Variants in SUGCT observed in about 807,000 individuals in gnomAD.
SUGCT encodes the protein succinyl-CoA:glutarate-CoA transferase.
SUGCT carries 41 observed loss-of-function variants against 55.0 expected under a neutral mutation model. The observed-to-expected ratio is 0.74, with a 90% CI of 0.58 to 0.97. The LOEUF is 0.97. Ranked by LOEUF, SUGCT falls within the 50% of genes least tolerant of loss-of-function variation. The probability of loss-of-function intolerance (pLI) is 0.00; values close to 1 mark genes in which losing one functional copy is unlikely to be tolerated. For synonymous variants in SUGCT, 187 were observed against 200.4 expected (o/e 0.93, Z 0.56); for missense variants, 568 against 547.8 (o/e 1.04, Z -0.37).
intron 9 of SUGCT, among the ~76,000 whole-genome samples, chr7:40,340,017 G>A (rs1796958719): frequency 6.6e-6 from 1 of 152,156 alleles, no homozygotes; most frequent in Admixed American, 6.5e-5. Context: ...TTTTGCCTGG[G>A]ATATCAGGAG....
intron 13 of SUGCT, among the ~76,000 whole-genome samples, chr7:40,844,168 G>A (rs1036141634): frequency 5.3e-5 from 8 of 152,090 alleles, no homozygotes; most frequent in South Asian, 2.1e-4. Flanking sequence ...TGCAACTCCC[G>A]GAGCCCCAGA....
At chr7:40,334,813 A>G (rs1055735253) in intron 9 of SUGCT, among the ~76,000 whole-genome samples, 6 of 152,224 alleles carry the variant, frequency 3.9e-5, no homozygotes, top group Non-Finnish European at 5.9e-5. Context: ...TGTTTTAGAC[A>G]TGTAGTCCTT....
At chr7:40,628,871 G>A (rs1025931591) in intron 12 of SUGCT, among the ~76,000 whole-genome samples, 1 of 152,082 alleles carries the variant, frequency 6.6e-6, no homozygotes, top group African/African-American at 2.4e-5. Context: ...GTCTCTAGTA[G>A]CTGGGACTAC....
At chr7:40,698,756 A>G (rs1194107463) in intron 12 of SUGCT, among the ~76,000 whole-genome samples, 2 of 152,164 alleles carry the variant, frequency 1.3e-5, no homozygotes, top group Non-Finnish European at 2.9e-5. Flanking sequence ...CCAACAGTTT[A>G]TGACTCATAC....
At position 40,451,234 on chromosome 7, in the gene SUGCT, C is replaced by T. The variant is rs546254921; in HGVS notation, c.888+1876C>T. ...TTGGAGTTTTCTTTCTCCAGAAAGT[C>T]GTGGGGTTGGGGGTGGGAGGACCTG... On this transcript the variant is annotated intron_variant, in intron 10 of 13. Transcript: ENST00000335693. Among the ~76,000 whole-genome samples, 33 of 151,994 alleles carry T rather than the reference C, an allele frequency of 2.2e-4. 1 individual carries two copies. In the South Asian group the frequency reaches 5.8e-3, roughly 27 times the overall value.
chr7:40,815,466 G>A (rs1791621472), intron 13 of SUGCT, among the ~76,000 whole-genome samples: 2 of 152,172 alleles, frequency 1.3e-5, no homozygotes, highest in South Asian at 4.1e-4. Flanking sequence ...AAGAAGGCTG[G>A]GGAAGTTTAG....
chr7:40,387,169 A>C (rs937703276), intron 9 of SUGCT, among the ~76,000 whole-genome samples: 10 of 152,322 alleles, frequency 6.6e-5, no homozygotes, highest in Non-Finnish European at 1.3e-4. Flanking sequence ...ATGTGATTTC[A>C]ATCTTTTGGG....
intron 12 of SUGCT, among the ~76,000 whole-genome samples, chr7:40,598,812 G>A (rs1044981393): frequency 6.6e-6 from 1 of 151,512 alleles, no homozygotes; most frequent in Non-Finnish European, 1.5e-5. Context: ...TAGATAGTGT[G>A]CAAATTTTCA....
chr7:40,431,243 C>A (rs1230864910), intron 9 of SUGCT, among the ~76,000 whole-genome samples: 2 of 151,930 alleles, frequency 1.3e-5, no homozygotes, highest in Admixed American at 1.3e-4. Context: ...TAGTTGACAG[C>A]ATATGTTTGG....
intron 9 of SUGCT, among the ~76,000 whole-genome samples, chr7:40,383,954 A>G (rs1784993802): frequency 6.6e-6 from 1 of 152,100 alleles, no homozygotes; most frequent in African/African-American, 2.4e-5. Context: ...CTTGAAAGGT[A>G]GCTTGACTCT....
At chr7:40,322,126 A>G (rs536193615) in intron 9 of SUGCT, among the ~76,000 whole-genome samples, 5 of 152,238 alleles carry the variant, frequency 3.3e-5, no homozygotes, top group Admixed American at 3.3e-4. Flanking sequence ...TTTTTTATAG[A>G]TGAAATGTAC....
At chr7:40,901,385 G>A in the SUGCT span, among the ~76,000 whole-genome samples, 1 of 152,190 alleles carries the variant, frequency 6.6e-6, no homozygotes, top group African/African-American at 2.4e-5. Flanking sequence ...AACTTATGGG[G>A]AATTTCCCGG....
intron 8 of SUGCT, among the ~76,000 whole-genome samples, chr7:40,285,290 T>A (rs1793251181): frequency 6.6e-6 from 1 of 152,134 alleles, no homozygotes; most frequent in Admixed American, 6.5e-5. Context: ...TTGGAGAACC[T>A]AGTAGAATCA....
At chr7:40,210,389 AC>A (rs1337986802) in intron 6 of SUGCT, among the ~76,000 whole-genome samples, 1 of 151,730 alleles carries the variant, frequency 6.6e-6, no homozygotes, top group East Asian at 1.9e-4. Flanking sequence ...CCTGCTATAC[AC>A]CCTCAGTTGT....
intron 11 of SUGCT, among the ~76,000 whole-genome samples, chr7:40,477,030 G>C (rs1319937859): frequency 6.6e-6 from 1 of 152,084 alleles, no homozygotes; most frequent in Non-Finnish European, 1.5e-5. Context: ...TTTTGCAAAT[G>C]AGAGCACTCA....
At chr7:40,249,335 ATATATAT>A (rs1790177601) in intron 7 of SUGCT, among the ~76,000 whole-genome samples, 1 of 124,110 alleles carries the variant, frequency 8.1e-6, no homozygotes, top group African/African-American at 3.0e-5. Context: ...ATATATATAT[ATATATAT>A]ATATAATTAT....
intron 13 of SUGCT, among the ~76,000 whole-genome samples, chr7:40,820,512 A>T (rs545831551): frequency 9.1e-4 from 139 of 152,162 alleles, no homozygotes; most frequent in African/African-American, 3.2e-3. Flanking sequence ...TAGGTACTTT[A>T]TTCTCTTTGA....
intron 7 of SUGCT, among the ~76,000 whole-genome samples, chr7:40,260,680 C>A (rs1371390627): frequency 6.6e-6 from 1 of 152,164 alleles, no homozygotes; most frequent in Non-Finnish European, 1.5e-5. Flanking sequence ...GAGATGGTGT[C>A]TCACTCTGTT....
At chr7:40,297,590 C>G (rs4469366) in intron 8 of SUGCT, among the ~76,000 whole-genome samples, 6,837 of 152,200 alleles carry the variant, frequency 0.045, 504 homozygotes, top group African/African-American at 0.15. Context: ...TAAAAGAGAT[C>G]TTGAGGTAAC....
Sources: allele counts gnomAD v4.1 joint callset (sites outside exome capture counted in the v4.1 genomes callset), GRCh38; gene constraint gnomAD v4.1.1; transcripts MANE v1.5; gene names NCBI Gene and HGNC (gene_info 2026-07-23, HGNC 2026-07-21).